Variants in ASB3 observed in about 807,000 individuals in gnomAD.
The protein encoded by ASB3 is ankyrin repeat and SOCS box protein 3.
Under a neutral mutation model 54.5 loss-of-function variants are expected in ASB3, and 41 were observed. The observed-to-expected ratio is 0.75, with a 90% confidence interval of 0.59 to 0.98. The LOEUF (loss-of-function observed/expected upper bound fraction) is 0.98, where lower values mean the gene tolerates loss of function less well. ASB3 is among the 50% of genes least tolerant of loss of function. The pLI is 0.00. For synonymous variants in ASB3, 266 were observed against 221.2 expected, an observed-to-expected ratio of 1.20 and a Z score of -1.80; for missense variants, 733 against 620.0, an observed-to-expected ratio of 1.18 and a Z score of -1.94.
chr2:53,671,087 T>C (rs1400604388), intron 9 of ASB3, among the ~76,000 whole-genome samples: 1 of 152,218 alleles, frequency 6.6e-6, no homozygotes, highest in Admixed American at 6.5e-5. Flanking sequence ...ATCAAGTGAA[T>C]AGATGTACAG....
chr2:53,716,987 C>A (rs538676778), intron 5 of ASB3, among the ~76,000 whole-genome samples: 36 of 152,260 alleles, frequency 2.4e-4, no homozygotes, highest in African/African-American at 8.2e-4. Flanking sequence ...GAAGCTGTGG[C>A]CAGAGGATTG....
chr2:53,725,124 A>G (rs1670922108), intron 5 of ASB3, among the ~76,000 whole-genome samples: 1 of 152,198 alleles, frequency 6.6e-6, no homozygotes, highest in Admixed American at 6.5e-5. Context: ...GAATAAAATC[A>G]TGTCCTTTCA....
rs17521008 is a variant in ASB3, at chr2:53,728,713, C to T, written c.603G>A (p.Ser201=). 0.18 allele frequency: 289,234 copies of T among 1,599,160 alleles called. 26,850 individuals are homozygous for T. The highest frequency in any genetic ancestry group is 0.22 in the South Asian group (19,776 of 88,462). The stretch of plus-strand genomic sequence containing the variant: ...ACAAAGGCTAATGGATAATCTTACC[C>T]GATGAAATAAGTATGCTCAAGCTTT... ...KLESLSILIS[S]GANVNCQALD... The change falls in exon 5 of 10, where the codon TCG becomes TCA. Residue 201 remains serine (S), a splice_region_variant and synonymous_variant. Coordinates refer to ENST00000263634, the MANE Select transcript of ASB3 (RefSeq NM_016115.5).
chr2:53,721,952 TAA>T (rs1024863148), intron 5 of ASB3, among the ~76,000 whole-genome samples: 1 of 151,330 alleles, frequency 6.6e-6, no homozygotes, highest in Admixed American at 6.6e-5. Context: ...GCTAGCTAGA[TAA>T]AAAAAAGAGC....
chr2:53,672,486 C>G (rs1039889435), intron 9 of ASB3, among the ~76,000 whole-genome samples: 1 of 152,086 alleles, frequency 6.6e-6, no homozygotes, highest in South Asian at 2.1e-4. Context: ...CACCGTTTTC[C>G]AAAGGTTTAA....
At chr2:53,706,326 G>C (rs565328504) in intron 7 of ASB3, among the ~76,000 whole-genome samples, 1 of 152,214 alleles carries the variant, frequency 6.6e-6, no homozygotes, top group Non-Finnish European at 1.5e-5. Flanking sequence ...TATTTTTAAT[G>C]CCTAATAGGA....
At chr2:53,709,116 G>A (rs7582542) in intron 7 of ASB3, among the ~76,000 whole-genome samples, 25,385 of 152,120 alleles carry the variant, frequency 0.17, 2,245 homozygotes, top group African/African-American at 0.23. Context: ...GACCTTCCCA[G>A]CAGCCTTACC....
chr2:53,749,476 T>A lies in ASB3; in HGVS notation c.355+1307A>T, dbSNP rs140848027. On this transcript the variant is annotated intron_variant, in intron 3 of 9. Transcript: ENST00000263634. ...TTAACCCAAGAGAAATAAAAACTTA[T>A]ATTGATACAAAACCTGTCTGCAAAT... is the stretch of plus-strand genomic sequence containing the variant. Among the ~76,000 whole-genome samples, 13 of 152,230 alleles carry A rather than the reference T, an allele frequency of 8.5e-5. No homozygotes were observed. In the East Asian group the frequency reaches 2.1e-3, roughly 25 times the overall value.
chr2:53,696,165 G>A (rs1367668130), intron 8 of ASB3, among the ~76,000 whole-genome samples: 2 of 152,118 alleles, frequency 1.3e-5, no homozygotes, highest in Non-Finnish European at 2.9e-5. Context: ...ATTTTCCACT[G>A]TATTTTTTCT....
chr2:53,689,902 G>A (rs1225916889), intron 9 of ASB3, among the ~76,000 whole-genome samples: 1 of 152,082 alleles, frequency 6.6e-6, no homozygotes, highest in Non-Finnish European at 1.5e-5. Context: ...TTCTTAGGTA[G>A]TATAACTTTG....
intron 3 of ASB3, among the ~76,000 whole-genome samples, chr2:53,734,267 T>G (rs1418953573): frequency 6.6e-6 from 1 of 152,180 alleles, no homozygotes; most frequent in Non-Finnish European, 1.5e-5. Flanking sequence ...TCTTCTCCAG[T>G]TTTTTCTCAT....
intron 3 of ASB3, among the ~76,000 whole-genome samples, chr2:53,735,180 A>G (rs1458027261): frequency 6.6e-6 from 1 of 152,084 alleles, no homozygotes; most frequent in Non-Finnish European, 1.5e-5. Flanking sequence ...TCGGCCTCCC[A>G]AAGTGCTGGG....
At chr2:53,712,610 C>A (rs1670162252) in intron 7 of ASB3, among the ~76,000 whole-genome samples, 1 of 152,082 alleles carries the variant, frequency 6.6e-6, no homozygotes. Context: ...AACAGGGGTA[C>A]TACATTATAT....
intron 9 of ASB3, 152 bp from the exon 10 acceptor site, chr2:53,670,842 C>A (rs1211291525): frequency 1.1e-6 from 1 of 924,310 alleles, no homozygotes; most frequent in Non-Finnish European, 1.6e-6. Flanking sequence ...CCACAATAAA[C>A]CTTATTTATT....
chr2:53,689,672 G>T (rs1406599341), intron 9 of ASB3, among the ~76,000 whole-genome samples: 1 of 152,106 alleles, frequency 6.6e-6, no homozygotes, highest in Non-Finnish European at 1.5e-5. Context: ...CAAAACTAGG[G>T]CATTGCTCAA....
At chr2:53,712,026 G>A (rs1055789447) in intron 7 of ASB3, among the ~76,000 whole-genome samples, 2 of 152,048 alleles carry the variant, frequency 1.3e-5, no homozygotes, top group African/African-American at 4.8e-5. Context: ...CAGAGTAACT[G>A]AGACATAAAA....
At chr2:53,759,408 G>A (rs1409534241) in intron 2 of ASB3, among the ~76,000 whole-genome samples, 1 of 152,140 alleles carries the variant, frequency 6.6e-6, no homozygotes, top group Non-Finnish European at 1.5e-5. Context: ...CTCTATTGAG[G>A]GCCAACTAAT....
chr2:53,776,596 G>C (rs1195768757), intron 1 of ASB3, among the ~76,000 whole-genome samples: 1 of 152,098 alleles, frequency 6.6e-6, no homozygotes, highest in Non-Finnish European at 1.5e-5. Flanking sequence ...TGTGAAGGGA[G>C]GATCACTTCA....
intron 8 of ASB3, among the ~76,000 whole-genome samples, chr2:53,694,926 T>A (rs936772133): frequency 6.6e-6 from 1 of 152,170 alleles, no homozygotes; most frequent in African/African-American, 2.4e-5. Context: ...AACTTCAGTA[T>A]TATATTTTTA....
Sources: gnomAD v4.1 joint callset for allele counts (sites outside exome capture counted in the v4.1 genomes callset) on GRCh38, gnomAD v4.1.1 for gene constraint, MANE v1.5 for transcripts, NCBI Gene and HGNC (gene_info 2026-07-23, HGNC 2026-07-21) for gene names.